Variants in NUDC observed in about 807,000 individuals in gnomAD.
The protein encoded by NUDC is nuclear distribution C, dynein complex regulator.
In NUDC, 14 loss-of-function variants were observed where a neutral mutation model predicts 45.0. The ratio of observed to expected loss-of-function variants is 0.31; its 90% CI spans 0.21 to 0.49. NUDC has a LOEUF of 0.49. NUDC is among the 20% of genes least tolerant of loss of function. The pLI is 0.99. For missense variants in NUDC, 323 were observed against 426.2 expected (o/e 0.76, Z 2.13); for synonymous variants, 153 against 156.7 (o/e 0.98, Z 0.17).
chr1:26,906,231 A>G (rs749540788), intron 2 of NUDC, among the ~76,000 whole-genome samples: 7 of 151,976 alleles, frequency 4.6e-5, no homozygotes, highest in Non-Finnish European at 7.4e-5. Flanking sequence ...GTGAGCTGAG[A>G]TCGCGCCACT....
At chr1:26,921,006 T>C (rs937490992), upstream of NUDC, among the ~76,000 whole-genome samples, 4 of 152,094 alleles carry the variant, frequency 2.6e-5, no homozygotes, top group Non-Finnish European at 4.4e-5. Flanking sequence ...ATATTTGTGA[T>C]GCATAAGCTA....
chr1:26,946,029 G>T, intron 8 of NUDC, 101 bp from the exon 9 acceptor site: 1 of 1,177,730 alleles, frequency 8.5e-7, no homozygotes, highest in South Asian at 1.2e-5. Context: ...GCTTGGTGTT[G>T]CTGAGGTCTA....
Position 26,941,522 on chromosome 1 carries a change from C to T in NUDC, c.225C>T (p.Ala75=), listed in dbSNP as rs1488220297. The change falls in exon 3 of 9, where the codon GCC becomes GCT. Residue 75 remains alanine, a synonymous_variant. Coordinates refer to ENST00000321265, the MANE Select transcript of NUDC (RefSeq NM_006600.4). ...AGAAGACCCGGCGGGAGAAGAGAGC[C>T]CGGCAGGAGGCCGAGCGGCGGGAGA... ...LAQKTRREKR[A]RQEAERREKA... is the part of the protein sequence containing the mutation. 6.8e-6 allele frequency: 11 copies of T among 1,613,928 alleles called. No homozygotes were observed. The highest frequency in any genetic ancestry group is 9.3e-6 in the Non-Finnish European group (11 of 1,180,026).
intron 2 of NUDC, among the ~76,000 whole-genome samples, chr1:26,936,134 AATATATATAT>A (rs1215586103): frequency 0.013 from 86 of 6,810 alleles, 6 homozygotes; most frequent in Middle Eastern, 0.1. Context: ...ACGCCCGGCT[AATATATATAT>A]ATATATATAT....
intron 2 of NUDC, among the ~76,000 whole-genome samples, chr1:26,936,154 TATATATATATA>T (rs1449957040): frequency 1.6e-4 from 2 of 12,782 alleles, no homozygotes; most frequent in African/African-American, 2.7e-4. Flanking sequence ...TATATATATA[TATATATATATA>T]TTTTTTTTTT....
chr1:26,936,678 A>G (rs1278625427), intron 2 of NUDC, among the ~76,000 whole-genome samples: 1 of 152,146 alleles, frequency 6.6e-6, no homozygotes, highest in Non-Finnish European at 1.5e-5. Flanking sequence ...ATAAAACACA[A>G]GAGACCTCTT....
intron 1 of NUDC, 64 bp from the exon 2 acceptor site, chr1:26,924,025 T>A: frequency 1.4e-6 from 2 of 1,446,130 alleles, no homozygotes; most frequent in South Asian, 2.3e-5. Context: ...ACAAGTTGAC[T>A]TGTGTGCAGT....
At chr1:26,928,770 A>G (rs925973865) in intron 2 of NUDC, among the ~76,000 whole-genome samples, 2 of 152,222 alleles carry the variant, frequency 1.3e-5, no homozygotes, top group Non-Finnish European at 2.9e-5. Flanking sequence ...AAACAAAATA[A>G]CAAGTGTTGA....
At chr1:26,919,250 A>AT (rs952490299), upstream of NUDC, among the ~76,000 whole-genome samples, 50 of 147,800 alleles carry the variant, frequency 3.4e-4, no homozygotes, top group Admixed American at 4.7e-4. Flanking sequence ...TGCCCCGCTA[A>AT]TTTTTTTTTT....
At chr1:26,933,482 C>T (rs566488924) in intron 2 of NUDC, among the ~76,000 whole-genome samples, 17 of 152,022 alleles carry the variant, frequency 1.1e-4, no homozygotes, top group Admixed American at 7.2e-4. Flanking sequence ...GATGCAATCT[C>T]GGCTCACTGC....
At chr1:26,932,125 TA>T (rs1262268967) in intron 2 of NUDC, among the ~76,000 whole-genome samples, 1 of 151,654 alleles carries the variant, frequency 6.6e-6, no homozygotes, top group Non-Finnish European at 1.5e-5. Flanking sequence ...CCTCCCACTT[TA>T]ACCCCTTAAG....
At chr1:26,922,082 C>T (rs1260724513) in intron 1 of NUDC, 153 bp downstream of exon 1, 3 of 782,164 alleles carry the variant, frequency 3.8e-6, no homozygotes, top group African/African-American at 3.4e-5. Context: ...GCCTGGCCAC[C>T]CGCCAGCAGG....
At chr1:26,905,751 C>T (rs2082000435) in intron 2 of NUDC, among the ~76,000 whole-genome samples, 1 of 152,184 alleles carries the variant, frequency 6.6e-6, no homozygotes, top group South Asian at 2.1e-4. Flanking sequence ...TCAGCTCACC[C>T]TTTCTGAAAC....
At chr1:26,900,422 C>T (rs2081971908) in intron 1 of NUDC, 1 of 1,610,040 alleles carries the variant, frequency 6.2e-7, no homozygotes, top group Non-Finnish European at 8.5e-7. Flanking sequence ...CCTCCTCCTC[C>T]GCCTCGCCGG....
chr1:26,901,992 C>T (rs1183152149), intron 1 of NUDC, among the ~76,000 whole-genome samples: 4 of 152,164 alleles, frequency 2.6e-5, no homozygotes, highest in Non-Finnish European at 4.4e-5. Context: ...ACATGTTTAT[C>T]AGAAGACTTA....
At chr1:26,920,772 AAAAC>A (rs2082085578), upstream of NUDC, among the ~76,000 whole-genome samples, 1 of 143,732 alleles carries the variant, frequency 7.0e-6, no homozygotes, top group South Asian at 2.2e-4. Context: ...CAAAAAACAA[AAAAC>A]AAAAAAAAAA....
At chr1:26,913,590 T>C in intron 3 of NUDC, 1 of 1,614,026 alleles carries the variant, frequency 6.2e-7, no homozygotes, top group Non-Finnish European at 8.5e-7. Flanking sequence ...TCTTCTTGAG[T>C]ATGCTGGGCA....
At chr1:26,929,084 A>G (rs1342597710) in intron 2 of NUDC, among the ~76,000 whole-genome samples, 1 of 152,208 alleles carries the variant, frequency 6.6e-6, no homozygotes, top group African/African-American at 2.4e-5. Context: ...CTGCCTTAAA[A>G]GGGAAAGAAA....
Position 26,921,801 on chromosome 1 carries a change from C to G in NUDC, c.-48C>G. 2.0e-6 allele frequency: 3 copies of G among 1,530,828 alleles called. No homozygotes were observed. The highest frequency in any genetic ancestry group is 2.7e-6 in the Non-Finnish European group (3 of 1,130,216). 94.8% of individuals were successfully genotyped at this position (1,530,828 alleles called of 1,614,324 possible). On this transcript the variant is annotated 5_prime_UTR_variant, in exon 1 of 9. Transcript: ENST00000321265. ...GCGCGACCCGCAGGAGCGTAGAGAG[C>G]GCGGGACTAGAGTGCAGAGCTCCGG...
Sources: gnomAD v4.1 joint callset for allele counts (sites outside exome capture counted in the v4.1 genomes callset) on GRCh38, gnomAD v4.1.1 for gene constraint, MANE v1.5 for transcripts, NCBI Gene and HGNC (gene_info 2026-07-23, HGNC 2026-07-21) for gene names.